The following PRPSAP2 variants were observed in gnomAD, a reference collection of about 807,000 sequenced individuals.
PRPSAP2 encodes the protein phosphoribosyl pyrophosphate synthase-associated protein 2.
PRPSAP2 carries 24 observed loss-of-function variants against 40.6 expected under a neutral mutation model. The ratio of observed to expected loss-of-function variants is 0.59; its 90% CI spans 0.43 to 0.83. PRPSAP2 has a LOEUF of 0.83. Among genes scored for constraint, PRPSAP2 ranks in the 40% least tolerant of loss-of-function variants. The pLI, the probability that PRPSAP2 is intolerant of heterozygous loss-of-function variation, is 0.00. For synonymous variants in PRPSAP2, 149 were observed against 164.7 expected, an observed-to-expected ratio of 0.90 and a Z score of 0.73; for missense variants, 292 against 465.6, an observed-to-expected ratio of 0.63 and a Z score of 3.43.
rs1465800726 is a variant in PRPSAP2, at chr17:18,882,686, G to A, written c.528+3G>A. ...TATTACAGTATATTCAAGAAGAGGT[G>A]AGCTAGCTCAAACTTTTTTATTTTA... On this transcript the variant is annotated splice_donor_region_variant and intron_variant, in intron 7 of 11. Transcript: ENST00000268835. 6.5e-7 allele frequency: 1 copy of A among 1,540,872 alleles called. No homozygotes were observed. Among genetic ancestry groups the A allele is most frequent in the Non-Finnish European group, 8.9e-7 (1 of 1,118,166 alleles).
chr17:18,922,989 A>G (rs1446641549), intron 9 of PRPSAP2, among the ~76,000 whole-genome samples: 1 of 151,344 alleles, frequency 6.6e-6, no homozygotes, highest in Non-Finnish European at 1.5e-5. Flanking sequence ...TACTTTATAT[A>G]TTTTGGATAC....
chr17:18,867,910 G>A (rs544712040), intron 4 of PRPSAP2, among the ~76,000 whole-genome samples: 4 of 152,228 alleles, frequency 2.6e-5, no homozygotes, highest in African/African-American at 9.6e-5. Flanking sequence ...GCTGAGGCAG[G>A]CAGATTCCTT....
Position 18,911,280 on chromosome 17 carries a change from T to C in PRPSAP2, c.733+29T>C. 6.3e-7 allele frequency: 1 copy of C among 1,578,816 alleles called. No individual in the cohort carries two copies. The highest frequency in any genetic ancestry group is 1.8e-5 in the Admixed American group (1 of 56,602). On this transcript the variant is annotated intron_variant, in intron 9 of 11. Transcript: ENST00000268835. The surrounding 1 kb of genome is among the most constrained non-coding windows in gnomAD (Gnocchi z 4.5). ...AGTGTGCTGCTGCCTCTTTCCCACT[T>C]TCCTCTGATTTTAAGGCTGACTACA...
At chr17:18,883,852 G>A (rs572017791) in intron 7 of PRPSAP2, among the ~76,000 whole-genome samples, 4 of 152,060 alleles carry the variant, frequency 2.6e-5, no homozygotes, top group Non-Finnish European at 5.9e-5. Flanking sequence ...AGAATACAGG[G>A]CTTCCCCATT....
intron 5 of PRPSAP2, among the ~76,000 whole-genome samples, chr17:18,874,385 C>G (rs2038117161): frequency 6.6e-6 from 1 of 152,090 alleles, no homozygotes; most frequent in African/African-American, 2.4e-5. Flanking sequence ...TGTGTATATA[C>G]ATATATAAAA....
At chr17:18,927,318 C>T (rs2042027487) in intron 10 of PRPSAP2, among the ~76,000 whole-genome samples, 1 of 152,228 alleles carries the variant, frequency 6.6e-6, no homozygotes. Flanking sequence ...GGGACAAAAA[C>T]ATTCAAGCCA....
intron 8 of PRPSAP2, chr17:18,908,995 A>G (rs1207696760): frequency 2.4e-5 from 6 of 245,930 alleles, no homozygotes; most frequent in East Asian, 2.5e-4. Context: ...TGAATTCAAC[A>G]TTCAAAAAAA....
chr17:18,901,009 T>A (rs535098062), intron 8 of PRPSAP2, among the ~76,000 whole-genome samples: 13 of 152,138 alleles, frequency 8.5e-5, no homozygotes, highest in Non-Finnish European at 1.8e-4. Flanking sequence ...ACCACCCCAT[T>A]GGGTTTGGGG....
In PRPSAP2 at chr17:18,877,828, T is replaced by TC; in HGVS notation, c.372dup (p.Ile125HisfsTer4). ...GCAGTGCAAGATGAGAAAAAGAGGC[T>TC]CCATTGTCTCTAAATTGCTGGCTTC... On this transcript the variant is annotated frameshift_variant, in exon 6 of 12. Coordinates refer to ENST00000268835, the MANE Select transcript of PRPSAP2 (RefSeq NM_002767.4). LOFTEE classifies it high-confidence loss of function. 6.2e-7 allele frequency: 1 copy of TC among 1,613,226 alleles called. No individual in the cohort carries two copies. The highest frequency in any genetic ancestry group is 8.5e-7 in the Non-Finnish European group (1 of 1,179,666).
intron 10 of PRPSAP2, among the ~76,000 whole-genome samples, chr17:18,925,080 A>G (rs2041900354): frequency 6.6e-6 from 1 of 152,192 alleles, no homozygotes; most frequent in African/African-American, 2.4e-5. Flanking sequence ...AGATTGTGCC[A>G]CTGCACTCTA....
At chr17:18,913,541 C>CTTTTTTT (rs35697920) in intron 9 of PRPSAP2, among the ~76,000 whole-genome samples, 3 of 73,956 alleles carry the variant, frequency 4.1e-5, no homozygotes, top group Non-Finnish European at 7.5e-5. Flanking sequence ...GCGTCTGGTT[C>CTTTTTTT]TTTTTTTTTT....
intron 3 of PRPSAP2, among the ~76,000 whole-genome samples, chr17:18,866,657 A>G (rs1475404486): frequency 7.9e-5 from 12 of 152,156 alleles, no homozygotes; most frequent in African/African-American, 2.4e-5. Context: ...TACCCCTACT[A>G]CTGTGTACTA....
At chr17:18,910,791 A>C (rs190133894) in intron 8 of PRPSAP2, among the ~76,000 whole-genome samples, 34 of 152,328 alleles carry the variant, frequency 2.2e-4, no homozygotes, top group Non-Finnish European at 4.1e-4. Context: ...AGGCAGGTAG[A>C]ATTAGCAGCT....
intron 8 of PRPSAP2, among the ~76,000 whole-genome samples, chr17:18,903,063 G>A (rs985307209): frequency 2.0e-5 from 3 of 152,034 alleles, no homozygotes; most frequent in Admixed American, 1.3e-4. Context: ...GGGTAGATTG[G>A]AACGAAAGAC....
At chr17:18,890,176 C>A (rs1199339875) in intron 8 of PRPSAP2, among the ~76,000 whole-genome samples, 1 of 149,106 alleles carries the variant, frequency 6.7e-6, no homozygotes, top group South Asian at 2.1e-4. Flanking sequence ...TATTTTATTT[C>A]TTTATTTTTT....
intron 8 of PRPSAP2, among the ~76,000 whole-genome samples, chr17:18,903,222 G>GTTC (rs2040388180): frequency 2.6e-5 from 4 of 151,782 alleles, no homozygotes; most frequent in African/African-American, 9.7e-5. Flanking sequence ...GAGGTCAGGA[G>GTTC]AATTGCTTGA....
intron 8 of PRPSAP2, among the ~76,000 whole-genome samples, chr17:18,890,105 C>T (rs2039447463): frequency 6.6e-6 from 1 of 151,386 alleles, no homozygotes; most frequent in South Asian, 2.1e-4. Context: ...GACATACTTC[C>T]TTTTTTAAGT....
At chr17:18,894,762 C>A (rs778802197) in intron 8 of PRPSAP2, among the ~76,000 whole-genome samples, 1 of 152,154 alleles carries the variant, frequency 6.6e-6, no homozygotes, top group Non-Finnish European at 1.5e-5. Context: ...GGATTACAGG[C>A]GTGAGTCACC....
chr17:18,884,918 C>A (rs923094441), intron 7 of PRPSAP2, among the ~76,000 whole-genome samples: 1 of 152,192 alleles, frequency 6.6e-6, no homozygotes, highest in Non-Finnish European at 1.5e-5. Flanking sequence ...TCTCAAGGCA[C>A]AAATGGCAAT....
Sources: allele counts gnomAD v4.1 joint callset (sites outside exome capture counted in the v4.1 genomes callset), GRCh38; gene constraint gnomAD v4.1.1; non-coding constraint Gnocchi (gnomAD v3.1); transcripts MANE v1.5; gene names NCBI Gene and HGNC (gene_info 2026-07-23, HGNC 2026-07-21).